DGKD: variants seen among roughly 807,000 people sequenced by gnomAD.
DGKD encodes the protein diacylglycerol kinase delta.
DGKD carries 68 observed loss-of-function variants against 154.4 expected under a neutral mutation model. The ratio of observed to expected loss-of-function variants is 0.44; its 90% CI spans 0.36 to 0.54. The LOEUF is 0.54. Among genes scored for constraint, DGKD ranks in the 20% least tolerant of loss-of-function variants. The pLI is 0.00. For synonymous variants in DGKD, 693 were observed against 638.0 expected (o/e 1.09, Z -1.30); for missense variants, 1,343 against 1,593.6 (o/e 0.84, Z 2.68).
intron 3 of DGKD, among the ~76,000 whole-genome samples, chr2:233,420,691 A>G (rs2062085639): frequency 6.6e-6 from 1 of 152,240 alleles, no homozygotes; most frequent in Non-Finnish European, 1.5e-5. Flanking sequence ...TCAAGGTTTA[A>G]TACAACTGAT....
intron 3 of DGKD, among the ~76,000 whole-genome samples, chr2:233,431,512 C>A (rs1285308480): frequency 6.6e-6 from 1 of 151,964 alleles, no homozygotes; most frequent in Non-Finnish European, 1.5e-5. Context: ...GCCAAAAGAC[C>A]CAGAATAGCC....
chr2:233,402,582 G>T (rs1324736846), intron 3 of DGKD, among the ~76,000 whole-genome samples: 1 of 152,202 alleles, frequency 6.6e-6, no homozygotes, highest in South Asian at 2.1e-4. Flanking sequence ...CCGCTGAAGA[G>T]GTGCTCACTA....
chr2:233,370,570 C>CTTTTTTTTT (rs56301429), intron 1 of DGKD, among the ~76,000 whole-genome samples: 8 of 123,342 alleles, frequency 6.5e-5, no homozygotes, highest in East Asian at 2.3e-4. Flanking sequence ...AGAACTTCTT[C>CTTTTTTTTT]TTTTTTTTTT....
In DGKD at chr2:233,457,873, G is replaced by A. The variant is rs189709201; in HGVS notation, c.2581-411G>A. The A allele has an allele frequency of 6.0e-6, 2 of 334,522 alleles. No individual in the cohort carries two copies. Among genetic ancestry groups the A allele is most frequent in the East Asian group, 1.5e-4 (2 of 13,336 alleles). The allele number at this position is 334,522 out of a possible 1,614,324, so 20.7% of individuals were successfully genotyped here. On this transcript the variant is annotated intron_variant, in intron 21 of 29. Coordinates refer to ENST00000264057, the MANE Select transcript of DGKD (RefSeq NM_152879.3). This position sits in a 1 kb window ranked among gnomAD's most constrained non-coding sequence, Gnocchi z 5.5. ...TTTGTGTTAAGAACTGTGGGAAGGT[G>A]TTGATAGGTTTAAACCTGGTTTAAA... is the stretch of plus-strand genomic sequence containing the variant.
At chr2:233,437,914 GT>G (rs1553636657) in intron 8 of DGKD, among the ~76,000 whole-genome samples, 2 of 152,246 alleles carry the variant, frequency 1.3e-5, no homozygotes, top group Non-Finnish European at 2.9e-5. Context: ...GGTGGCACCT[GT>G]TGACAAGTAC....
chr2:233,468,363 T>C (rs2063895225), intron 28 of DGKD, 60 bp from the exon 29 acceptor site: 1 of 1,591,538 alleles, frequency 6.3e-7, no homozygotes, highest in African/African-American at 1.3e-5. Flanking sequence ...TGCCAGCTGC[T>C]GCCTACCTTG....
Position 233,449,960 on chromosome 2 carries a change from C to T in DGKD, c.1889-22C>T, listed in dbSNP as rs372867708. On this transcript the variant is annotated intron_variant, in intron 15 of 29. Coordinates refer to ENST00000264057, the MANE Select transcript of DGKD (RefSeq NM_152879.3). The surrounding 1 kb of genome is among the most constrained non-coding windows in gnomAD (Gnocchi z 5.3). ...TTGGCTTTGCACCCGCGTGCTCAGC[C>T]GCACACACTCTCCTTGCACAGCTGT... is the stretch of plus-strand genomic sequence containing the variant. The T allele has an allele frequency of 3.1e-5, 49 of 1,569,536 alleles. No individual in the cohort carries two copies. The highest frequency in any genetic ancestry group is 3.1e-4 in the African/African-American group (23 of 73,746).
At chr2:233,450,276 G>A in intron 16 of DGKD, 145 bp downstream of exon 16, 1 of 1,091,906 alleles carries the variant, frequency 9.2e-7, no homozygotes, top group East Asian at 2.7e-5. Flanking sequence ...CCCAAGGCCT[G>A]TTTCTGTGCA....
intron 2 of DGKD, among the ~76,000 whole-genome samples, chr2:233,389,406 C>T (rs1182507009): frequency 6.6e-6 from 1 of 152,088 alleles, no homozygotes. Context: ...TTCTGAATAC[C>T]TGTGTTTTTT....
chr2:233,450,347 C>T (rs2063233575), intron 16 of DGKD, among the ~76,000 whole-genome samples: 1 of 152,120 alleles, frequency 6.6e-6, no homozygotes, highest in Non-Finnish European at 1.5e-5. Context: ...AGCAGTAGAA[C>T]CCGCGAGACC....
chr2:233,447,815 C>A, intron 12 of DGKD: 1 of 1,254,994 alleles, frequency 8.0e-7, no homozygotes, highest in Non-Finnish European at 1.0e-6. Flanking sequence ...GCTCCTAGCA[C>A]AGGCCGTGCT....
intron 11 of DGKD, among the ~76,000 whole-genome samples, chr2:233,446,227 G>A (rs902811214): frequency 6.6e-6 from 1 of 152,218 alleles, no homozygotes; most frequent in Non-Finnish European, 1.5e-5. Flanking sequence ...TGACACACTT[G>A]GCACTCACTG....
Position 233,462,636 on chromosome 2 carries a change from C to T in DGKD, c.3094-7C>T. ...GCCCCCATGCATATTTGCCTGGTTT[C>T]TTCTAGGGGCTCAACTGCAGCTTCG... On this transcript the variant is annotated splice_polypyrimidine_tract_variant and splice_region_variant and intron_variant, in intron 25 of 29. Coordinates refer to ENST00000264057, the MANE Select transcript of DGKD (RefSeq NM_152879.3). The T allele has an allele frequency of 6.2e-7, 1 of 1,613,912 alleles. No individual in the cohort carries two copies.
chr2:233,458,896 G>A lies in DGKD; in HGVS notation c.2694+499G>A, dbSNP rs976711699. 7.2e-5 allele frequency among the ~76,000 whole-genome samples: 11 copies of A among 152,158 alleles called. No individual in the cohort carries two copies. The highest frequency in any genetic ancestry group is 1.5e-5 in the Non-Finnish European group (1 of 68,026). On this transcript the variant is annotated intron_variant, in intron 22 of 29. Transcript: ENST00000264057. The surrounding 1 kb of genome is among the most constrained non-coding windows in gnomAD (Gnocchi z 6.6). Reference sequence around the variant, plus strand: ...GGTGTGAGCCACTGCACCCGGCCAAGATAACTCTTTCAAAATGTGTATCCT... The same window carrying A: ...GGTGTGAGCCACTGCACCCGGCCAAAATAACTCTTTCAAAATGTGTATCCT...
At chr2:233,390,359 A>G (rs1454760164) in intron 2 of DGKD, 44 bp from the exon 3 acceptor site, 1 of 1,521,000 alleles carries the variant, frequency 6.6e-7, no homozygotes, top group Non-Finnish European at 9.1e-7. Flanking sequence ...TTAGGGATGT[A>G]CCTGTCTTTA....
chr2:233,400,805 G>A (rs892290251), intron 3 of DGKD, among the ~76,000 whole-genome samples: 4 of 152,202 alleles, frequency 2.6e-5, no homozygotes, highest in Non-Finnish European at 4.4e-5. Context: ...CTGCCCAGGA[G>A]GCCCGTGGAA....
chr2:233,444,949 A>C (rs754635059), intron 10 of DGKD, among the ~76,000 whole-genome samples: 16 of 152,028 alleles, frequency 1.1e-4, no homozygotes, highest in Non-Finnish European at 2.1e-4. Flanking sequence ...GGGCATTTTA[A>C]GAGGCCTCCT....
chr2:233,372,533 AT>A (rs1702376156), intron 1 of DGKD, among the ~76,000 whole-genome samples: 1 of 151,916 alleles, frequency 6.6e-6, no homozygotes, highest in Non-Finnish European at 1.5e-5. Flanking sequence ...GTTGCTGAAC[AT>A]TTTTGTGTGC....
chr2:233,392,837 A>G (rs2125450803), intron 3 of DGKD, among the ~76,000 whole-genome samples: 1 of 152,352 alleles, frequency 6.6e-6, no homozygotes, highest in African/African-American at 2.4e-5. Flanking sequence ...CTTCAAAGTT[A>G]GTAGCGTGTA....
Sources: allele counts gnomAD v4.1 joint callset (sites outside exome capture counted in the v4.1 genomes callset), GRCh38; gene constraint gnomAD v4.1.1; non-coding constraint Gnocchi (gnomAD v3.1); transcripts MANE v1.5; gene names NCBI Gene and HGNC (gene_info 2026-07-23, HGNC 2026-07-21).